The following DMD variants were observed in gnomAD, a reference collection of about 807,000 sequenced individuals.
The protein encoded by DMD is mutant dystrophin.
DMD carries 63 observed loss-of-function variants against 330.1 expected under a neutral mutation model. The ratio of observed to expected loss-of-function variants is 0.19; its 90% CI spans 0.16 to 0.24. The LOEUF (loss-of-function observed/expected upper bound fraction) is 0.24, where lower values mean the gene tolerates loss of function less well. Among genes scored for constraint, DMD ranks in the 10% least tolerant of loss-of-function variants. The pLI is 1.00. For synonymous variants in DMD, 1,223 were observed against 959.8 expected, an observed-to-expected ratio of 1.27 and a Z score of -5.07; for missense variants, 3,344 against 2,684.1, an observed-to-expected ratio of 1.25 and a Z score of -5.43.
At chrX:31,989,181 C>G (rs1419690176) in intron 44 of DMD, among the ~76,000 whole-genome samples, 1 of 111,612 alleles carries the variant, frequency 9.0e-6, no homozygotes, top group African/African-American at 3.3e-5. Context: ...CGGCTTTGCT[C>G]CCTCTACTGA....
chrX:32,474,846 C>A (rs1428315317), intron 21 of DMD, among the ~76,000 whole-genome samples: 1 of 111,587 alleles, frequency 9.0e-6, no homozygotes, highest in African/African-American at 3.3e-5. Flanking sequence ...TGTGCAAAAG[C>A]TTTTTAATTT....
At chrX:32,323,594 G>T (rs886245809) in intron 41 of DMD, among the ~76,000 whole-genome samples, 1 of 111,605 alleles carries the variant, frequency 9.0e-6, no homozygotes, top group Non-Finnish European at 1.9e-5. Context: ...TCTTGGTGAT[G>T]AGGGCATTGT....
At chrX:32,356,534 A>C (rs768039364) in intron 37 of DMD, among the ~76,000 whole-genome samples, 5 of 111,031 alleles carry the variant, frequency 4.5e-5, no homozygotes, top group African/African-American at 1.3e-4. Flanking sequence ...TTTTAGCAGC[A>C]ATTTTCAAGG....
chrX:32,281,810 A>AT (rs1358723804), intron 43 of DMD, among the ~76,000 whole-genome samples: 1 of 111,296 alleles, frequency 9.0e-6, no homozygotes, highest in Admixed American at 9.6e-5. Flanking sequence ...TCTTTCTCTA[A>AT]TTTTTTTAGA....
At chrX:32,353,857 C>T (rs900604390) in intron 37 of DMD, among the ~76,000 whole-genome samples, 3 of 110,500 alleles carry the variant, frequency 2.7e-5, no homozygotes, top group African/African-American at 9.8e-5. Flanking sequence ...TTTAATGTTT[C>T]AAATTGCTTA....
At position 32,573,614 on chromosome X, in the gene DMD, TG is replaced by T; in HGVS notation, c.1727del (p.Ser576Ter). On this transcript the variant is annotated frameshift_variant, in exon 15 of 79. Transcript: ENST00000357033. LOFTEE classifies it high-confidence loss of function. ...EEQCLFSAWL[S>X]EKEDAVNKIH... ...TCTTGTTCACTGCATCTTCTTTTTC[TG>T]AAAGCCATGCACTAAAAAGGCACTG... 8.3e-7 allele frequency: 1 copy of T among 1,210,855 alleles called. No homozygotes were observed.
At chrX:31,385,258 T>C (rs2060392610) in intron 60 of DMD, among the ~76,000 whole-genome samples, 1 of 111,736 alleles carries the variant, frequency 8.9e-6, no homozygotes, top group Non-Finnish European at 1.9e-5. Flanking sequence ...AAGGGACGTT[T>C]AGAGAGTTAT....
intron 62 of DMD, among the ~76,000 whole-genome samples, chrX:31,292,006 GT>G (rs1192619552): frequency 1.8e-5 from 2 of 111,128 alleles, no homozygotes; most frequent in Non-Finnish European, 3.8e-5. Context: ...TTAAAAAATA[GT>G]AAGTTTCTAG....
chrX:31,127,796 A>G (rs1030898325), intron 77 of DMD, among the ~76,000 whole-genome samples: 12 of 111,797 alleles, frequency 1.1e-4, no homozygotes, highest in African/African-American at 3.6e-4. Flanking sequence ...TAGGGTTCAA[A>G]ACTTCTAGTA....
At chrX:32,598,062 T>G (rs2055772117) in intron 12 of DMD, among the ~76,000 whole-genome samples, 1 of 112,209 alleles carries the variant, frequency 8.9e-6, no homozygotes, top group South Asian at 3.7e-4. Flanking sequence ...GATGGCTGAA[T>G]CACAATCTCA....
chrX:33,195,732 TTGTGTGTG>T (rs71969580), intron 1 of DMD, among the ~76,000 whole-genome samples: 7 of 97,714 alleles, frequency 7.2e-5, no homozygotes, highest in East Asian at 3.3e-4. Flanking sequence ...CTGTTCTATT[TTGTGTGTG>T]TGTGTGTGTG....
intron 7 of DMD, among the ~76,000 whole-genome samples, chrX:32,708,610 TTAAG>T (rs1464306043): frequency 8.9e-6 from 1 of 111,934 alleles, no homozygotes; most frequent in Non-Finnish European, 1.9e-5. Context: ...CATGCCTTCA[TTAAG>T]TATTTGTGGA....
intron 56 of DMD, among the ~76,000 whole-genome samples, chrX:31,506,624 T>C (rs1035992836): frequency 8.9e-6 from 1 of 112,244 alleles, no homozygotes; most frequent in Admixed American, 9.5e-5. Flanking sequence ...TTTACAAAGA[T>C]GCTATGATGC....
At chrX:32,219,840 C>T (rs368180554) in intron 43 of DMD, among the ~76,000 whole-genome samples, 118 of 111,970 alleles carry the variant, frequency 1.1e-3, no homozygotes, top group African/African-American at 3.5e-3. Flanking sequence ...GATTTCAAAC[C>T]TGTTGCACAG....
intron 7 of DMD, among the ~76,000 whole-genome samples, chrX:32,777,583 G>A (rs1279195463): frequency 1.8e-5 from 2 of 110,871 alleles, no homozygotes; most frequent in Admixed American, 9.6e-5. Context: ...TCTGAATTCA[G>A]GACTTCGCAG....
At chrX:31,926,500 C>T (rs186578839) in intron 47 of DMD, among the ~76,000 whole-genome samples, 28 of 109,944 alleles carry the variant, frequency 2.5e-4, no homozygotes, top group African/African-American at 9.3e-4. Flanking sequence ...CATGGCGAAC[C>T]CTCCATCTCT....
At chrX:31,635,037 T>C (rs1247820261) in intron 54 of DMD, among the ~76,000 whole-genome samples, 1 of 111,607 alleles carries the variant, frequency 9.0e-6, no homozygotes, top group Non-Finnish European at 1.9e-5. Flanking sequence ...GGTTGAAATA[T>C]AATGTTGGGA....
intron 61 of DMD, among the ~76,000 whole-genome samples, chrX:31,341,488 A>C (rs1802474875): frequency 8.9e-6 from 1 of 112,172 alleles, no homozygotes; most frequent in Non-Finnish European, 1.9e-5. Context: ...CTTAACCGCT[A>C]TCGATACCAT....
intron 7 of DMD, among the ~76,000 whole-genome samples, chrX:32,755,618 T>C (rs2071410253): frequency 8.9e-6 from 1 of 112,257 alleles, no homozygotes; most frequent in African/African-American, 3.2e-5. Context: ...TACAAATATT[T>C]TCAAACAATA....
Sources: allele counts gnomAD v4.1 joint callset (sites outside exome capture counted in the v4.1 genomes callset), GRCh38; gene constraint gnomAD v4.1.1; transcripts MANE v1.5; gene names NCBI Gene and HGNC (gene_info 2026-07-23, HGNC 2026-07-21).